The following KMT2E variants were observed in gnomAD, a reference collection of about 807,000 sequenced individuals.
The protein encoded by KMT2E is histone reader KMT2E.
Under a neutral mutation model 184.6 loss-of-function variants are expected in KMT2E, and 30 were observed. The observed-to-expected ratio is 0.16, with a 90% CI of 0.12 to 0.22. KMT2E has a LOEUF of 0.22. KMT2E is among the 10% of genes least tolerant of loss of function. KMT2E has a pLI of 1.00. For synonymous variants in KMT2E, 815 were observed against 776.5 expected (o/e 1.05, Z -0.82); for missense variants, 2,023 against 2,237.4 (o/e 0.90, Z 1.93).
intron 3 of KMT2E, among the ~76,000 whole-genome samples, chr7:105,054,086 C>T (rs1562894444): frequency 6.6e-6 from 1 of 151,928 alleles, no homozygotes; most frequent in Non-Finnish European, 1.5e-5. Flanking sequence ...ACACGAGAAT[C>T]ACTTGAACCC....
chr7:105,078,425 G>A (rs895424303), intron 11 of KMT2E, among the ~76,000 whole-genome samples: 1 of 152,124 alleles, frequency 6.6e-6, no homozygotes, highest in Non-Finnish European at 1.5e-5. Context: ...TCTTTTAGAA[G>A]TTTCTTAGAC....
In KMT2E at chr7:105,063,622, G is replaced by A. The variant is rs200632640; in HGVS notation, c.416+42G>A. The A allele has an allele frequency of 2.5e-4, 326 of 1,309,354 alleles. 4 individuals carry two copies. The East Asian group carries it at 7.7e-3, about 31-fold the overall frequency. 81.1% of individuals were successfully genotyped at this position (1,309,354 alleles called of 1,614,324 possible). ...CATTATTTTATTTTTCTTGAATGCT[G>A]ATAACCTTTGGTAATGTTGGAAAAG... On this transcript the variant is annotated intron_variant, in intron 5 of 26. Coordinates refer to ENST00000311117, the MANE Select transcript of KMT2E (RefSeq NM_182931.3).
chr7:105,027,033 T>G (rs1417021362), intron 1 of KMT2E, among the ~76,000 whole-genome samples: 1 of 152,004 alleles, frequency 6.6e-6, no homozygotes, highest in Non-Finnish European at 1.5e-5. Flanking sequence ...GGGTTATTTT[T>G]CATTTATATA....
At chr7:105,084,926 G>A (rs1797901329) in intron 13 of KMT2E, among the ~76,000 whole-genome samples, 1 of 152,160 alleles carries the variant, frequency 6.6e-6, no homozygotes, top group South Asian at 2.1e-4. Context: ...AGGTCTGTAT[G>A]TGTGTGCATA....
At chr7:105,023,585 C>T (rs1381222704) in intron 1 of KMT2E, among the ~76,000 whole-genome samples, 1 of 151,490 alleles carries the variant, frequency 6.6e-6, no homozygotes, top group East Asian at 2.0e-4. Context: ...GCAGGGACTA[C>T]AGGTGCCCAC....
rs1337993892 is a variant in KMT2E at position 105,077,028 on chromosome 7, A to G, written c.834A>G (p.Lys278=). The part of the protein sequence containing the change: ...GSNFGWETKI[K]AWMDRYEEAN... Reference sequence around the variant, plus strand: ...ATTTTGGATGGGAGACAAAGATCAAAGCATGGATGGATCGATATGAAGAAG... The same window carrying G: ...ATTTTGGATGGGAGACAAAGATCAAGGCATGGATGGATCGATATGAAGAAG... The change falls in exon 10 of 27, where the codon AAA becomes AAG. Residue 278 remains lysine, a synonymous_variant. Transcript: ENST00000311117. The G allele has an allele frequency of 6.8e-6, 11 of 1,613,884 alleles. No individual in the cohort carries two copies. Among genetic ancestry groups the G allele is most frequent in the Non-Finnish European group, 9.3e-6 (11 of 1,180,008 alleles).
Position 105,071,608 on chromosome 7 carries a change from A to ATTT in KMT2E, c.498-1985_498-1983dup, listed in dbSNP as rs869055986. Reference sequence around the variant, plus strand: ...TATATATATATATATATATATATATATTTTTTTTTTTTTTTTTTTTTTTTT... The same window carrying ATTT: ...TATATATATATATATATATATATATATTTTTTTTTTTTTTTTTTTTTTTTTTTT... On this transcript the variant is annotated intron_variant, in intron 6 of 26. Transcript: ENST00000311117. Among the ~76,000 whole-genome samples, 35 of 31,880 alleles carry ATTT rather than the reference A, an allele frequency of 1.1e-3. 6 individuals carry two copies. The highest frequency in any genetic ancestry group is 2.4e-3 in the East Asian group (1 of 412). The allele number at this position is 31,880 out of a possible 152,430, so 20.9% of individuals were successfully genotyped here.
At chr7:105,034,861 T>TGG (rs59390572) in intron 1 of KMT2E, among the ~76,000 whole-genome samples, 1 of 40,858 alleles carries the variant, frequency 2.4e-5, no homozygotes, top group Non-Finnish European at 4.2e-5. Flanking sequence ...TTTTGGGGGG[T>TGG]GGGGGGGTGG....
chr7:105,048,013 A>G (rs1584724642), intron 3 of KMT2E, among the ~76,000 whole-genome samples: 2 of 152,290 alleles, frequency 1.3e-5, no homozygotes, highest in East Asian at 3.9e-4. Flanking sequence ...GCTATGGTAG[A>G]CAATTGTGTG....
At chr7:105,095,883 A>AT (rs1173052757) in intron 15 of KMT2E, among the ~76,000 whole-genome samples, 1 of 152,150 alleles carries the variant, frequency 6.6e-6, no homozygotes, top group Non-Finnish European at 1.5e-5. Flanking sequence ...GTGGAAGGGG[A>AT]TTAGATACTG....
intron 1 of KMT2E, among the ~76,000 whole-genome samples, chr7:105,033,036 T>G (rs1023410592): frequency 6.6e-6 from 1 of 152,216 alleles, no homozygotes; most frequent in African/African-American, 2.4e-5. Flanking sequence ...CCCTGGTATT[T>G]TTTTAAACCA....
rs1413595561 is a variant in KMT2E, at chr7:105,110,694, T to C, written c.3971-77T>C. 2.5e-6 allele frequency: 4 copies of C among 1,582,858 alleles called. 1 individual carries two copies. Among genetic ancestry groups the C allele is most frequent in the South Asian group, 2.2e-5 (2 of 90,230 alleles). ...TAAAAAGTTGGTTTGGATAGTAGAATGTATGTTGCTTTGTGGTGTTAAAAC... is the reference window on the plus strand; with the variant it reads ...TAAAAAGTTGGTTTGGATAGTAGAACGTATGTTGCTTTGTGGTGTTAAAAC... On this transcript the variant is annotated intron_variant, in intron 25 of 26. Coordinates refer to ENST00000311117, the MANE Select transcript of KMT2E (RefSeq NM_182931.3).
intron 1 of KMT2E, among the ~76,000 whole-genome samples, chr7:105,035,087 C>T (rs990611903): frequency 6.7e-6 from 1 of 149,082 alleles, no homozygotes; most frequent in African/African-American, 2.5e-5. Flanking sequence ...TGCAGTGGCA[C>T]GATCTCGGCT....
intron 1 of KMT2E, among the ~76,000 whole-genome samples, chr7:105,018,192 C>T (rs186176168): frequency 2.6e-4 from 39 of 152,140 alleles, no homozygotes; most frequent in African/African-American, 9.2e-4. Context: ...TATGTAAACC[C>T]TAACAGCTCT....
rs749878982 is a variant in KMT2E, at chr7:105,101,992, G to A, written c.1994G>A (p.Arg665His). Residue 665 changes from arginine to histidine, a missense_variant, in exon 17 of 27, where the codon CGT becomes CAT. This residue lies in a region of KMT2E where 514 missense variants were observed against 621.8 expected (regional missense o/e 0.83). Transcript: ENST00000311117. ...AGTAGGACTCACATTGGACAGCAGC[G>A]TCGGAGACACAGAACTGTCAGCATG... is the stretch of plus-strand genomic sequence containing the variant. ...SRSRTHIGQQ[R>H]RRHRTVSMCS... The A allele has an allele frequency of 1.2e-6, 2 of 1,613,896 alleles. No individual in the cohort carries two copies. Among genetic ancestry groups the A allele is most frequent in the East Asian group, 2.2e-5 (1 of 44,862 alleles).
chr7:105,016,625 G>A lies in KMT2E; in HGVS notation c.-189+2090G>A, dbSNP rs114021010. 7.7e-3 allele frequency among the ~76,000 whole-genome samples: 1,166 copies of A among 152,282 alleles called. 24 individuals carry two copies. Among genetic ancestry groups the A allele is most frequent in the African/African-American group, 0.027 (1,128 of 41,544 alleles). The stretch of plus-strand genomic sequence containing the variant: ...AAAGATTAGAATTCACTTTCGTAGT[G>A]GGAGTTCTTTTTGGGTTGAACTAAG... On this transcript the variant is annotated intron_variant, in intron 1 of 26. Transcript: ENST00000311117.
chr7:105,027,247 T>A (rs1795212160), intron 1 of KMT2E, among the ~76,000 whole-genome samples: 1 of 151,812 alleles, frequency 6.6e-6, no homozygotes, highest in Non-Finnish European at 1.5e-5. Flanking sequence ...CATGTCTGGC[T>A]AATTTAAAAC....
intron 1 of KMT2E, 57 bp downstream of exon 1, chr7:105,014,592 T>G (rs1319803336): frequency 1.3e-5 from 2 of 151,806 alleles, no homozygotes; most frequent in Non-Finnish European, 2.9e-5. Flanking sequence ...GGGGTACTTG[T>G]GTTTCAAGGG....
Position 105,092,962 on chromosome 7 carries a change from G to C in KMT2E, c.1722+1648G>C, listed in dbSNP as rs1041554169. On this transcript the variant is annotated intron_variant, in intron 15 of 26. Transcript: ENST00000311117. ...TAATCCCAGCACTTTGGGAGGCTTAGGTGGGAAGATCACTTCAGCCCAGGA... is the reference window on the plus strand; with the variant it reads ...TAATCCCAGCACTTTGGGAGGCTTACGTGGGAAGATCACTTCAGCCCAGGA... Among the ~76,000 whole-genome samples, 3 of 152,120 alleles carry C rather than the reference G, an allele frequency of 2.0e-5. No homozygotes were observed. In the East Asian group the frequency reaches 5.8e-4, roughly 29 times the overall value.
Sources: gnomAD v4.1 joint callset for allele counts (sites outside exome capture counted in the v4.1 genomes callset) on GRCh38, gnomAD v4.1.1 for gene constraint, gnomAD v4.1.1 regional missense constraint, MANE v1.5 for transcripts, NCBI Gene and HGNC (gene_info 2026-07-23, HGNC 2026-07-21) for gene names.